Variants in MED27 observed in about 807,000 individuals in gnomAD.
MED27 encodes the protein mediator of RNA polymerase II transcription subunit 27.
Under a neutral mutation model 38.2 loss-of-function variants are expected in MED27, and 30 were observed. The ratio of observed to expected loss-of-function variants is 0.79; its 90% CI spans 0.59 to 1.07. MED27 has a LOEUF of 1.07. MED27 is among the 50% of genes least tolerant of loss of function. The pLI is 0.00. For missense variants in MED27, 289 were observed against 397.5 expected (o/e 0.73, Z 2.32); for synonymous variants, 122 against 153.5 (o/e 0.79, Z 1.52).
intron 2 of MED27, among the ~76,000 whole-genome samples, chr9:132,035,141 A>T (rs1833047010): frequency 4.6e-5 from 7 of 152,188 alleles, no homozygotes; most frequent in Admixed American, 4.6e-4. Context: ...CCACACCACC[A>T]ATCAGGAAGG....
rs531590943 is a variant in MED27, at chr9:131,959,453, A to C, written c.480-19979T>G. Reference sequence around the variant, plus strand: ...TAACCCAAAGCATATAGGGCAGTGTAATCAGCTGAAAAAATCCTGGCGCCG... The same window carrying C: ...TAACCCAAAGCATATAGGGCAGTGTCATCAGCTGAAAAAATCCTGGCGCCG... On this transcript the variant is annotated intron_variant, in intron 3 of 7. Transcript: ENST00000292035. 2.3e-4 allele frequency among the ~76,000 whole-genome samples: 35 copies of C among 152,296 alleles called. No homozygotes were observed. In the South Asian group the frequency reaches 7.1e-3, roughly 31 times the overall value.
intron 3 of MED27, among the ~76,000 whole-genome samples, chr9:131,944,183 A>T (rs1173652640): frequency 6.6e-6 from 1 of 152,214 alleles, no homozygotes; most frequent in Non-Finnish European, 1.5e-5. Flanking sequence ...TTCTTCAAGT[A>T]GCCCAGCTTG....
chr9:132,066,156 G>A (rs1034481480), intron 2 of MED27, among the ~76,000 whole-genome samples: 4 of 152,242 alleles, frequency 2.6e-5, no homozygotes, highest in African/African-American at 9.6e-5. Context: ...CATAGAGCAG[G>A]CAGCCGCAGT....
At chr9:131,987,609 A>C (rs1831882949) in intron 3 of MED27, among the ~76,000 whole-genome samples, 1 of 152,226 alleles carries the variant, frequency 6.6e-6, no homozygotes, top group African/African-American at 2.4e-5. Flanking sequence ...GTCAGTCTTT[A>C]AGGTATTTCA....
intron 4 of MED27, among the ~76,000 whole-genome samples, chr9:131,925,537 C>G (rs917338576): frequency 1.3e-5 from 2 of 152,068 alleles, no homozygotes; most frequent in Non-Finnish European, 2.9e-5. Flanking sequence ...TATTTCCTAT[C>G]AGTGAAAATG....
At chr9:131,916,394 CTG>C (rs1161981319) in intron 4 of MED27, among the ~76,000 whole-genome samples, 4 of 152,192 alleles carry the variant, frequency 2.6e-5, no homozygotes, top group Non-Finnish European at 5.9e-5. Flanking sequence ...GCTTGGGCCT[CTG>C]TGTTAATAAC....
Position 131,877,262 on chromosome 9 carries a change from T to C in MED27, c.723+6796A>G, listed in dbSNP as rs1164833299. Among the ~76,000 whole-genome samples the C allele has an allele frequency of 2.6e-5, 4 of 152,130 alleles. No homozygotes were observed. The East Asian group carries it at 7.7e-4, about 29-fold the overall frequency. On this transcript the variant is annotated intron_variant, in intron 6 of 7. Transcript: ENST00000292035. ...TGTAGAGGAGGCTGGTAGGAGGAAA[T>C]GTTAGAAACTGAAAATAACGCGGCT...
chr9:131,981,537 C>T (rs1184688824), intron 3 of MED27, among the ~76,000 whole-genome samples: 2 of 152,198 alleles, frequency 1.3e-5, no homozygotes, highest in Non-Finnish European at 2.9e-5. Flanking sequence ...TTCTTCCTTC[C>T]TCAACTATTC....
At chr9:132,078,643 T>C (rs1389137176) in intron 1 of MED27, among the ~76,000 whole-genome samples, 2 of 152,080 alleles carry the variant, frequency 1.3e-5, no homozygotes, top group African/African-American at 4.8e-5. Context: ...TCCTACCTCC[T>C]CTTTCCATCT....
intron 3 of MED27, among the ~76,000 whole-genome samples, chr9:131,940,126 C>T (rs556264517): frequency 9.2e-5 from 14 of 151,894 alleles, no homozygotes; most frequent in African/African-American, 3.1e-4. Flanking sequence ...AGGCTGGTCT[C>T]GAACTCCTGA....
At chr9:132,011,300 TC>T (rs1832481801) in intron 3 of MED27, among the ~76,000 whole-genome samples, 1 of 152,178 alleles carries the variant, frequency 6.6e-6, no homozygotes, top group Non-Finnish European at 1.5e-5. Context: ...TAGAACAATA[TC>T]CATCCTAATC....
chr9:131,932,125 CA>C (rs770102132), intron 4 of MED27, among the ~76,000 whole-genome samples: 5 of 151,670 alleles, frequency 3.3e-5, no homozygotes, highest in African/African-American at 4.8e-5. Context: ...CGTTAGGTAA[CA>C]AAACAAGTCT....
At chr9:132,020,343 A>G (rs563315154) in intron 2 of MED27, among the ~76,000 whole-genome samples, 11 of 152,322 alleles carry the variant, frequency 7.2e-5, no homozygotes, top group African/African-American at 2.2e-4. Flanking sequence ...CTTCCAATGT[A>G]TAACAGAACA....
At chr9:131,968,471 CAAAAAAAAA>C (rs10556528) in intron 3 of MED27, among the ~76,000 whole-genome samples, 1 of 98,426 alleles carries the variant, frequency 1.0e-5, no homozygotes, top group African/African-American at 4.1e-5. Flanking sequence ...GACCCTGTCT[CAAAAAAAAA>C]AAAAAAAAAA....
chr9:131,891,368 G>A (rs1839226570), intron 5 of MED27, among the ~76,000 whole-genome samples: 1 of 152,246 alleles, frequency 6.6e-6, no homozygotes, highest in Admixed American at 6.5e-5. Context: ...TTGCAGAGGA[G>A]TCTGGATTTT....
intron 4 of MED27, among the ~76,000 whole-genome samples, chr9:131,936,132 CAA>C (rs748150201): frequency 3.6e-4 from 30 of 84,282 alleles, no homozygotes; most frequent in Middle Eastern, 6.3e-3. Context: ...GACCCTGTCT[CAA>C]AAAAAAAAAA....
chr9:131,983,946 T>C (rs1334253229), intron 3 of MED27, among the ~76,000 whole-genome samples: 1 of 152,178 alleles, frequency 6.6e-6, no homozygotes, highest in African/African-American at 2.4e-5. Context: ...CAGCTCCAAC[T>C]GATCCAGCTG....
chr9:131,941,492 T>G (rs924622923), intron 3 of MED27, among the ~76,000 whole-genome samples: 1 of 152,168 alleles, frequency 6.6e-6, no homozygotes, highest in African/African-American at 2.4e-5. Flanking sequence ...GAGAATGTTA[T>G]GTCGAGTTTT....
At chr9:132,059,512 C>T (rs896818442) in intron 2 of MED27, among the ~76,000 whole-genome samples, 3 of 152,374 alleles carry the variant, frequency 2.0e-5, no homozygotes, top group East Asian at 1.9e-4. Flanking sequence ...GCCACCAGCT[C>T]AGAGCTGGCA....
Sources: gnomAD v4.1 joint callset for allele counts (sites outside exome capture counted in the v4.1 genomes callset) on GRCh38, gnomAD v4.1.1 for gene constraint, MANE v1.5 for transcripts, NCBI Gene and HGNC (gene_info 2026-07-23, HGNC 2026-07-21) for gene names.